The following FRAS1 variants were observed in gnomAD, a reference collection of about 807,000 sequenced individuals.
FRAS1 encodes the protein Fraser extracellular matrix complex subunit 1, also known as extracellular matrix organizing protein FRAS1.
A neutral mutation model predicts 435.2 loss-of-function variants in FRAS1; 290 were observed. That is an observed-to-expected ratio of 0.67 (90% confidence interval 0.61 to 0.73). FRAS1 has a LOEUF of 0.73. FRAS1 is among the 30% of genes least tolerant of loss of function. The probability of loss-of-function intolerance (pLI) is 0.00; values close to 1 mark genes in which losing one functional copy is unlikely to be tolerated. For synonymous variants in FRAS1, 1,800 were observed against 1,851.0 expected, an observed-to-expected ratio of 0.97 and a Z score of 0.71; for missense variants, 4,860 against 5,001.5, an observed-to-expected ratio of 0.97 and a Z score of 0.85.
In FRAS1 at chr4:78,451,752, A is replaced by AT. The variant is rs376479763; in HGVS notation, c.6464-12dup. 5.0e-3 allele frequency: 7,797 copies of AT among 1,568,462 alleles called. 310 individuals carry two copies. In the African/African-American group the frequency reaches 0.089, roughly 18 times the overall value. The stretch of plus-strand genomic sequence containing the variant: ...CAGAAAGCACTAATAGCAAATCTTG[A>AT]TTTTTTTTCCTTTTTATAGGCCACG... On this transcript the variant is annotated intron_variant, in intron 45 of 73. Coordinates refer to ENST00000512123, the MANE Select transcript of FRAS1 (RefSeq NM_025074.7).
intron 2 of FRAS1, among the ~76,000 whole-genome samples, chr4:78,174,460 C>T (rs780687013): frequency 1.3e-5 from 2 of 152,132 alleles, no homozygotes; most frequent in Non-Finnish European, 2.9e-5. Context: ...AATACAAGCT[C>T]CAAACTCCCA....
At chr4:78,509,546 A>G (rs1720965988) in intron 63 of FRAS1, among the ~76,000 whole-genome samples, 1 of 152,242 alleles carries the variant, frequency 6.6e-6, no homozygotes, top group Non-Finnish European at 1.5e-5. Context: ...CAGTTATTAA[A>G]TAAAAGAATA....
intron 2 of FRAS1, among the ~76,000 whole-genome samples, chr4:78,201,879 T>C (rs1463519426): frequency 6.6e-6 from 1 of 152,188 alleles, no homozygotes; most frequent in East Asian, 1.9e-4. Context: ...AATATTTATT[T>C]ATAGGTCATG....
In FRAS1 at chr4:78,540,883, A is replaced by C; in HGVS notation, c.11798A>C (p.Gln3933Pro). 1 of 1,614,024 alleles carries C rather than the reference A, an allele frequency of 6.2e-7. No individual in the cohort carries two copies. Among genetic ancestry groups the C allele is most frequent in the Non-Finnish European group, 8.5e-7 (1 of 1,179,910 alleles). ...TTTATCAACAGGAAATGCCAGAAAC[A>C]GAGGAAGAAGAAGCCCGCAGAGGAC... ...ACFINRKCQK[Q>P]RKKKPAEDIL... The change falls in exon 74 of 74, where the codon CAG (glutamine) becomes CCG (proline). Residue 3933 changes from glutamine (Q) to proline (P), a missense_variant. Transcript: ENST00000512123.
intron 41 of FRAS1, among the ~76,000 whole-genome samples, chr4:78,443,875 G>T (rs1014256239): frequency 5.3e-5 from 8 of 152,072 alleles, no homozygotes; most frequent in East Asian, 3.9e-4. Context: ...TTGAGACAGG[G>T]TCTCGCCTCA....
intron 2 of FRAS1, among the ~76,000 whole-genome samples, chr4:78,153,916 T>C (rs1311877129): frequency 6.6e-6 from 1 of 152,212 alleles, no homozygotes; most frequent in Non-Finnish European, 1.5e-5. Context: ...TTCAGTCTTA[T>C]TTCAAGATGT....
intron 4 of FRAS1, among the ~76,000 whole-genome samples, chr4:78,247,940 G>A (rs28637127): frequency 6.6e-6 from 1 of 152,156 alleles, no homozygotes; most frequent in South Asian, 2.1e-4. Flanking sequence ...AAGTGATACT[G>A]TCCCCGGAGA....
At chr4:78,059,139 C>T (rs1739622780) in intron 1 of FRAS1, among the ~76,000 whole-genome samples, 1 of 152,178 alleles carries the variant, frequency 6.6e-6, no homozygotes, top group Non-Finnish European at 1.5e-5. Flanking sequence ...GCAGGGCGGG[C>T]CGCCTTCTCC....
At chr4:78,131,044 A>G (rs529942599) in intron 2 of FRAS1, among the ~76,000 whole-genome samples, 2 of 152,342 alleles carry the variant, frequency 1.3e-5, no homozygotes, top group African/African-American at 4.8e-5. Context: ...TTATTAACAC[A>G]TGAACTAAAA....
At position 78,058,034 on chromosome 4, in the gene FRAS1, G is replaced by A. The variant is rs772512930; in HGVS notation, c.25G>A (p.Gly9Arg). 3.1e-6 allele frequency: 5 copies of A among 1,613,764 alleles called. No individual in the cohort carries two copies. The African/African-American group carries it at 6.7e-5, about 22-fold the overall frequency. MGVLKVWLGLALALAEFAV... is the reference protein window; with the variant it reads MGVLKVWLRLALALAEFAV... ...GATGGGTGTCCTCAAAGTGTGGCTC[G>A]GGCTGGCCCTAGCGTTGGCGGAATT... Residue 9 changes from glycine to arginine, a missense_variant, in exon 1 of 74, where the codon GGG (glycine) becomes AGG (arginine). Physicochemically the swap from Gly to Arg is moderately radical, Grantham distance 125. Coordinates refer to ENST00000512123, the MANE Select transcript of FRAS1 (RefSeq NM_025074.7).
chr4:78,501,408 A>G (rs2867453), intron 61 of FRAS1, among the ~76,000 whole-genome samples: 50,015 of 152,058 alleles, frequency 0.33, 8,960 homozygotes, highest in South Asian at 0.52. Context: ...GCTATTGTTA[A>G]TAGTGCCGCA....
At chr4:78,445,948 G>GA in intron 42 of FRAS1, 1 of 1,299,158 alleles carries the variant, frequency 7.7e-7, no homozygotes, top group Non-Finnish European at 9.7e-7. Context: ...TGTTCGGTGT[G>GA]AAAAACAGTT....
chr4:78,533,750 G>A (rs571938070), intron 70 of FRAS1, among the ~76,000 whole-genome samples: 2 of 152,340 alleles, frequency 1.3e-5, no homozygotes, highest in East Asian at 1.9e-4. Flanking sequence ...TTATCTGACA[G>A]CCATGTAGAG....
chr4:78,324,505 G>A (rs557402286), intron 18 of FRAS1, among the ~76,000 whole-genome samples: 5 of 152,070 alleles, frequency 3.3e-5, no homozygotes, highest in African/African-American at 1.2e-4. Flanking sequence ...TCCCTTTGTA[G>A]TTTAGAAAGT....
At chr4:78,447,932 C>A in intron 43 of FRAS1, 121 bp from the exon 44 acceptor site, 1 of 848,574 alleles carries the variant, frequency 1.2e-6, no homozygotes, top group Non-Finnish European at 1.8e-6. Flanking sequence ...GCACCAAGAG[C>A]CTCTGAGGCA....
intron 2 of FRAS1, among the ~76,000 whole-genome samples, chr4:78,174,184 T>G (rs1477086498): frequency 6.6e-6 from 1 of 152,224 alleles, no homozygotes; most frequent in Non-Finnish European, 1.5e-5. Flanking sequence ...AAATTAAATT[T>G]TGCTGTGTTT....
At chr4:78,206,496 G>A (rs938044949) in intron 2 of FRAS1, among the ~76,000 whole-genome samples, 1 of 152,016 alleles carries the variant, frequency 6.6e-6, no homozygotes, top group Admixed American at 6.6e-5. Flanking sequence ...CTGCATTTGT[G>A]GTAATATATT....
intron 15 of FRAS1, among the ~76,000 whole-genome samples, chr4:78,313,631 T>C (rs1729124060): frequency 6.6e-6 from 1 of 152,242 alleles, no homozygotes; most frequent in South Asian, 2.1e-4. Flanking sequence ...TTCTCTGCTC[T>C]GTTCAAAGCC....
intron 2 of FRAS1, among the ~76,000 whole-genome samples, chr4:78,069,583 C>T (rs1338071936): frequency 7.0e-6 from 1 of 142,224 alleles, no homozygotes; most frequent in Non-Finnish European, 1.5e-5. Flanking sequence ...CCTCTTATTG[C>T]CCCGATGTGA....
Sources: gnomAD v4.1 joint callset for allele counts (sites outside exome capture counted in the v4.1 genomes callset) on GRCh38, gnomAD v4.1.1 for gene constraint, MANE v1.5 for transcripts, NCBI Gene and HGNC (gene_info 2026-07-23, HGNC 2026-07-21) for gene names.